Variants in ADGRL2 observed in about 807,000 individuals in gnomAD.
ADGRL2 encodes adhesion G protein-coupled receptor L2, also known as calcium-independent alpha-latrotoxin receptor 2.
A neutral mutation model predicts 157.4 loss-of-function variants in ADGRL2; 44 were observed. The ratio of observed to expected loss-of-function variants is 0.28; its 90% CI spans 0.22 to 0.36. ADGRL2 has a LOEUF of 0.36. Ranked by LOEUF, ADGRL2 falls within the 10% of genes least tolerant of loss-of-function variation. The probability of loss-of-function intolerance (pLI) is 1.00; values close to 1 mark genes in which losing one functional copy is unlikely to be tolerated. For synonymous variants in ADGRL2, 585 were observed against 624.7 expected, an observed-to-expected ratio of 0.94 and a Z score of 0.95; for missense variants, 1,510 against 1,768.9, an observed-to-expected ratio of 0.85 and a Z score of 2.63.
intron 2 of ADGRL2, among the ~76,000 whole-genome samples, chr1:81,875,352 A>C (rs2093811092): frequency 1.3e-5 from 2 of 152,196 alleles, no homozygotes; most frequent in Admixed American, 1.3e-4. Flanking sequence ...TTTGGGATGA[A>C]AAATATATAG....
chr1:81,332,234 C>A (rs1219516205), intron 1 of ADGRL2, among the ~76,000 whole-genome samples: 3 of 152,136 alleles, frequency 2.0e-5, no homozygotes, highest in Non-Finnish European at 2.9e-5. Context: ...CAGGAGTAAT[C>A]AAAATAAATA....
At position 81,772,218 on chromosome 1, in the gene ADGRL2, C is replaced by T. The variant is rs992255607; in HGVS notation, c.-101+10366C>T. On this transcript the variant is annotated intron_variant, in intron 2 of 20. Coordinates refer to the ADGRL2 transcript ENST00000359929. ...TGAGCCGAGATCGTGCCACTGCACT[C>T]CAGCCTGGGCTACAGAGCCAGACTC... Among the ~76,000 whole-genome samples, 4 of 149,154 alleles carry T rather than the reference C, an allele frequency of 2.7e-5. No individual in the cohort carries two copies. The South Asian group carries it at 8.5e-4, about 32-fold the overall frequency.
At chr1:81,629,375 A>G (rs1343461771) in intron 3 of ADGRL2, among the ~76,000 whole-genome samples, 7 of 152,156 alleles carry the variant, frequency 4.6e-5, no homozygotes, top group Non-Finnish European at 8.8e-5. Flanking sequence ...ATGTGACACT[A>G]TCTAAGGCAG....
chr1:81,907,675 G>A (rs2094612569), intron 3 of ADGRL2, among the ~76,000 whole-genome samples: 1 of 151,822 alleles, frequency 6.6e-6, no homozygotes, highest in African/African-American at 2.4e-5. Flanking sequence ...CAAGTAGAAA[G>A]TACAGAGATT....
intron 2 of ADGRL2, among the ~76,000 whole-genome samples, chr1:81,470,965 C>T (rs187241378): frequency 2.4e-4 from 37 of 152,312 alleles, no homozygotes; most frequent in African/African-American, 8.4e-4. Context: ...CAAATCCTGA[C>T]TGCAGTTTTG....
intron 1 of ADGRL2, among the ~76,000 whole-genome samples, chr1:81,396,552 G>A (rs2076658285): frequency 6.6e-6 from 1 of 152,268 alleles, no homozygotes; most frequent in East Asian, 1.9e-4. Context: ...AGAGTGGTGA[G>A]AGTGGGCATC....
At chr1:81,822,938 A>T (rs1041425176) in intron 1 of ADGRL2, among the ~76,000 whole-genome samples, 1 of 152,064 alleles carries the variant, frequency 6.6e-6, no homozygotes, top group African/African-American at 2.4e-5. Context: ...GAGGGGTTTA[A>T]TGATGAAAAT....
At chr1:81,513,189 T>C (rs2079110883) in intron 2 of ADGRL2, among the ~76,000 whole-genome samples, 1 of 152,186 alleles carries the variant, frequency 6.6e-6, no homozygotes, top group Admixed American at 6.6e-5. Context: ...TTTCTAATTA[T>C]CCCTCAATTG....
intron 1 of ADGRL2, among the ~76,000 whole-genome samples, chr1:81,372,853 T>C (rs753467650): frequency 2.0e-4 from 31 of 152,198 alleles, no homozygotes; most frequent in African/African-American, 7.5e-4. Flanking sequence ...ACTCCTCTGT[T>C]CCCCAGAAGT....
chr1:81,772,776 C>G (rs2086428627), intron 2 of ADGRL2, among the ~76,000 whole-genome samples: 1 of 151,876 alleles, frequency 6.6e-6, no homozygotes, highest in Non-Finnish European at 1.5e-5. Context: ...TTAGCTTAAA[C>G]AAACAAGTAA....
chr1:81,489,066 T>A (rs1557729157), intron 2 of ADGRL2, among the ~76,000 whole-genome samples: 2 of 151,894 alleles, frequency 1.3e-5, no homozygotes, highest in African/African-American at 4.8e-5. Flanking sequence ...GGTGAAACCC[T>A]GTCTCTACTA....
intron 3 of ADGRL2, among the ~76,000 whole-genome samples, chr1:81,642,767 T>C (rs2082245741): frequency 6.6e-6 from 1 of 152,088 alleles, no homozygotes; most frequent in Non-Finnish European, 1.5e-5. Context: ...GCAAAACCGA[T>C]TAAACATTCA....
intron 2 of ADGRL2, among the ~76,000 whole-genome samples, chr1:81,569,978 C>T (rs1425810008): frequency 6.6e-6 from 1 of 152,160 alleles, no homozygotes; most frequent in East Asian, 1.9e-4. Context: ...GCAGAAAGCT[C>T]AGTTTCTTGC....
At chr1:81,502,360 T>C in intron 2 of ADGRL2, 1 of 1,614,154 alleles carries the variant, frequency 6.2e-7, no homozygotes, top group Admixed American at 1.7e-5. Context: ...GGAGTGATGA[T>C]GCAGATGGAG....
chr1:81,708,197 GGTT>G (rs1159039900), intron 1 of ADGRL2, among the ~76,000 whole-genome samples: 1 of 152,052 alleles, frequency 6.6e-6, no homozygotes, highest in Non-Finnish European at 1.5e-5. Flanking sequence ...TGCCTTGCAC[GGTT>G]GTTGGTTTAT....
intron 2 of ADGRL2, among the ~76,000 whole-genome samples, chr1:81,857,646 G>A (rs1187562110): frequency 6.6e-6 from 1 of 152,116 alleles, no homozygotes. Context: ...TCCATTGACA[G>A]CTTCTGAATA....
At chr1:81,490,130 C>CTTT (rs59757979) in intron 2 of ADGRL2, among the ~76,000 whole-genome samples, 3 of 132,482 alleles carry the variant, frequency 2.3e-5, no homozygotes, top group Admixed American at 7.6e-5. Context: ...TTAACATATT[C>CTTT]TTTTTTTTTT....
intron 1 of ADGRL2, among the ~76,000 whole-genome samples, chr1:81,425,903 G>T (rs1384760985): frequency 6.6e-6 from 1 of 151,984 alleles, no homozygotes; most frequent in Non-Finnish European, 1.5e-5. Flanking sequence ...AACTTGCCCT[G>T]TTGCCCAGGC....
chr1:81,986,781 G>T, intron 21 of ADGRL2, 120 bp from the exon 22 acceptor site: 1 of 935,488 alleles, frequency 1.1e-6, no homozygotes, highest in Non-Finnish European at 1.6e-6. Flanking sequence ...ATTTTCCATT[G>T]CCAACTTGTC....
Sources: allele counts gnomAD v4.1 joint callset (sites outside exome capture counted in the v4.1 genomes callset), GRCh38; gene constraint gnomAD v4.1.1; transcripts MANE v1.5; gene names NCBI Gene and HGNC (gene_info 2026-07-23, HGNC 2026-07-21).